The following ITGBL1 variants were observed in gnomAD, a reference collection of about 807,000 sequenced individuals.
ITGBL1 encodes the protein integrin subunit beta like 1.
ITGBL1 carries 51 observed loss-of-function variants against 68.5 expected under a neutral mutation model. The ratio of observed to expected loss-of-function variants is 0.74; its 90% CI spans 0.59 to 0.94. The LOEUF (loss-of-function observed/expected upper bound fraction) is 0.94. Ranked by LOEUF, ITGBL1 falls within the 40% of genes least tolerant of loss-of-function variation. The probability of loss-of-function intolerance (pLI) is 0.00; values close to 1 mark genes in which losing one functional copy is unlikely to be tolerated. For synonymous variants in ITGBL1, 209 were observed against 227.3 expected, an observed-to-expected ratio of 0.92 and a Z score of 0.72; for missense variants, 649 against 647.4, an observed-to-expected ratio of 1.00 and a Z score of -0.03.
At chr13:101,609,840 T>A (rs1454591915) in intron 7 of ITGBL1, among the ~76,000 whole-genome samples, 3 of 152,254 alleles carry the variant, frequency 2.0e-5, no homozygotes, top group South Asian at 4.2e-4. Context: ...TTTTTTCCTG[T>A]TCTAAATAAA....
intron 8 of ITGBL1, among the ~76,000 whole-genome samples, chr13:101,703,655 A>G (rs2034186519): frequency 1.3e-5 from 2 of 152,220 alleles, no homozygotes. Flanking sequence ...AAGACTTGAC[A>G]ACAAGCTGGA....
At position 101,715,824 on chromosome 13, in the gene ITGBL1, C is replaced by T; in HGVS notation, c.*170C>T. ...GAGTACCTATTAGAAATGAGTTATG[C>T]AAATTTAGATGCAAATAACATTAGA... On this transcript the variant is annotated 3_prime_UTR_variant, in exon 11 of 11. Transcript: ENST00000376180. The T allele has an allele frequency of 2.1e-6, 1 of 476,064 alleles. No individual in the cohort carries two copies. 29.5% of individuals were successfully genotyped at this position (476,064 alleles called of 1,614,324 possible). A position where few individuals can be genotyped will look rare whatever the true frequency, so the allele number is the denominator to read the frequency against.
intron 2 of ITGBL1, among the ~76,000 whole-genome samples, chr13:101,554,096 A>G (rs2049966860): frequency 6.6e-6 from 1 of 152,074 alleles, no homozygotes; most frequent in South Asian, 2.1e-4. Context: ...CCTTTTTATA[A>G]GGATAACAGT....
chr13:101,620,292 G>A (rs1433880696), intron 7 of ITGBL1, among the ~76,000 whole-genome samples: 1 of 152,024 alleles, frequency 6.6e-6, no homozygotes, highest in Non-Finnish European at 1.5e-5. Context: ...AGTTAGTTAA[G>A]GTGAATACTA....
intron 7 of ITGBL1, among the ~76,000 whole-genome samples, chr13:101,602,792 C>T (rs894909107): frequency 1.3e-5 from 2 of 152,000 alleles, no homozygotes; most frequent in Non-Finnish European, 1.5e-5. Flanking sequence ...CTTGTCTATT[C>T]TGAGTATTCC....
rs1441210290 is a variant in ITGBL1 at position 101,693,616 on chromosome 13, G to GTCTATCTA, written c.1132+918_1132+919insATCTATCT. Among the ~76,000 whole-genome samples the GTCTATCTA allele has an allele frequency of 9.3e-5, 10 of 107,612 alleles. No homozygotes were observed. In the South Asian group the frequency reaches 3.0e-3, roughly 33 times the overall value. 70.6% of individuals were successfully genotyped at this position (107,612 alleles called of 152,430 possible). A position where few individuals can be genotyped will look rare whatever the true frequency, so the allele number is the denominator to read the frequency against. On this transcript the variant is annotated intron_variant, in intron 8 of 10. Coordinates refer to ENST00000376180, the MANE Select transcript of ITGBL1 (RefSeq NM_004791.3). ...GAGGCACCATCCATCCATCCTATCT[G>GTCTATCTA]TCTGTCTGTCTATCTATCTATCTAT...
chr13:101,544,074 A>G (rs2139194187), intron 2 of ITGBL1, among the ~76,000 whole-genome samples: 1 of 152,164 alleles, frequency 6.6e-6, no homozygotes, highest in South Asian at 2.1e-4. Context: ...TTCTCCATCT[A>G]GCTTTGTTCT....
chr13:101,700,046 C>A (rs2034098738), intron 8 of ITGBL1, among the ~76,000 whole-genome samples: 1 of 152,208 alleles, frequency 6.6e-6, no homozygotes, highest in South Asian at 2.1e-4. Flanking sequence ...CCCTGGATAG[C>A]TGCTTCACTT....
rs758756072 is a variant in ITGBL1, at chr13:101,454,115, C to T, written c.316+15C>T. On this transcript the variant is annotated intron_variant, in intron 2 of 10. Transcript: ENST00000376180. Reference sequence around the variant, plus strand: ...CACCTGTGCAGGTAAGAGGGCGGCGCTGTCTCCTCCCTCGGGAGGTCGAAA... The same window carrying T: ...CACCTGTGCAGGTAAGAGGGCGGCGTTGTCTCCTCCCTCGGGAGGTCGAAA... 2 of 1,514,146 alleles carry T rather than the reference C, an allele frequency of 1.3e-6. No homozygotes were observed. The highest frequency in any genetic ancestry group is 1.3e-5 in the South Asian group (1 of 77,784). The allele number at this position is 1,514,146 out of a possible 1,614,324, so 93.8% of individuals were successfully genotyped here. A position where few individuals can be genotyped will look rare whatever the true frequency, so the allele number is the denominator to read the frequency against.
chr13:101,632,794 A>G (rs1043268852), intron 7 of ITGBL1, among the ~76,000 whole-genome samples: 8 of 152,226 alleles, frequency 5.3e-5, no homozygotes, highest in Non-Finnish European at 1.0e-4. Flanking sequence ...GTTTAGAAGT[A>G]AGAATGTTAG....
At chr13:101,484,763 T>C (rs1024042593) in intron 2 of ITGBL1, among the ~76,000 whole-genome samples, 3 of 152,094 alleles carry the variant, frequency 2.0e-5, no homozygotes, top group African/African-American at 7.2e-5. Flanking sequence ...AATGATCTAA[T>C]AGAGGTATAA....
intron 2 of ITGBL1, among the ~76,000 whole-genome samples, chr13:101,518,005 T>G (rs1365243077): frequency 6.6e-6 from 1 of 152,162 alleles, no homozygotes; most frequent in African/African-American, 2.4e-5. Context: ...CGTGAGCTGG[T>G]GTGTACCTGC....
At chr13:101,567,993 G>GA (rs540631820) in intron 3 of ITGBL1, 148 bp downstream of exon 3, 21 of 661,626 alleles carry the variant, frequency 3.2e-5, no homozygotes, top group Non-Finnish European at 4.0e-5. Flanking sequence ...TAAATCAATA[G>GA]AAAAAAAATG....
chr13:101,463,039 T>C (rs1273425967), intron 2 of ITGBL1, among the ~76,000 whole-genome samples: 4 of 152,142 alleles, frequency 2.6e-5, no homozygotes, highest in African/African-American at 9.7e-5. Context: ...AACCTCTGTT[T>C]CCTTATGGTT....
intron 2 of ITGBL1, among the ~76,000 whole-genome samples, chr13:101,547,899 C>CTG (rs1392706072): frequency 4.8e-5 from 7 of 145,860 alleles, no homozygotes; most frequent in South Asian, 4.3e-4. Flanking sequence ...GTATATATCT[C>CTG]TGTGTGTGTG....
chr13:101,457,893 G>C (rs976941179), intron 2 of ITGBL1, among the ~76,000 whole-genome samples: 1 of 152,184 alleles, frequency 6.6e-6, no homozygotes, highest in Admixed American at 6.5e-5. Flanking sequence ...TATTTCTAAA[G>C]CATTCCTGGT....
intron 3 of ITGBL1, among the ~76,000 whole-genome samples, chr13:101,571,105 C>T (rs2050264707): frequency 6.6e-6 from 1 of 152,136 alleles, no homozygotes; most frequent in African/African-American, 2.4e-5. Context: ...TCCAACCTCA[C>T]AGGATTACTT....
chr13:101,485,450 C>T (rs914640325), intron 2 of ITGBL1, among the ~76,000 whole-genome samples: 4 of 152,050 alleles, frequency 2.6e-5, no homozygotes, highest in South Asian at 2.1e-4. Context: ...CTCAAAATCA[C>T]GAATCATCAG....
At chr13:101,471,511 T>C in intron 2 of ITGBL1, among the ~76,000 whole-genome samples, 1 of 85,118 alleles carries the variant, frequency 1.2e-5, no homozygotes, top group African/African-American at 5.5e-5. Flanking sequence ...CAAATATATA[T>C]GTGTGTGTGT....
Sources: gnomAD v4.1 joint callset for allele counts (sites outside exome capture counted in the v4.1 genomes callset) on GRCh38, gnomAD v4.1.1 for gene constraint, MANE v1.5 for transcripts, NCBI Gene and HGNC (gene_info 2026-07-23, HGNC 2026-07-21) for gene names.